RBFOX1: variants seen among roughly 807,000 people sequenced by gnomAD.
RBFOX1 encodes RNA binding protein fox-1 homolog 1.
In RBFOX1, 8 loss-of-function variants were observed where a neutral mutation model predicts 57.7. The ratio of observed to expected loss-of-function variants is 0.14; its 90% CI spans 0.08 to 0.25. The LOEUF (loss-of-function observed/expected upper bound fraction) is 0.25. RBFOX1 is among the 10% of genes least tolerant of loss of function. The pLI is 1.00. For missense variants in RBFOX1, 611 were observed against 548.5 expected, an observed-to-expected ratio of 1.11 and a Z score of -1.14; for synonymous variants, 326 against 222.4, an observed-to-expected ratio of 1.47 and a Z score of -4.15.
chr16:6,927,394 C>T (rs1395720909), intron 3 of RBFOX1, among the ~76,000 whole-genome samples: 1 of 97,632 alleles, frequency 1.0e-5, no homozygotes, highest in Non-Finnish European at 1.7e-5. Flanking sequence ...GCCTGGGCAA[C>T]AGAGTGAGAC....
intron 1 of RBFOX1, among the ~76,000 whole-genome samples, chr16:6,305,681 T>A (rs766424310): frequency 1.7e-4 from 25 of 151,390 alleles, no homozygotes; most frequent in Admixed American, 7.9e-4. Context: ...CCTCATTTGA[T>A]CATGGGGAGA....
chr16:5,401,264 A>AAC (rs1462519726), intron 1 of RBFOX1, among the ~76,000 whole-genome samples: 10 of 152,208 alleles, frequency 6.6e-5, no homozygotes, highest in Non-Finnish European at 1.3e-4. Context: ...TTGAGGATCT[A>AAC]ACTTGATTTT....
intron 4 of RBFOX1, among the ~76,000 whole-genome samples, chr16:7,428,266 A>C (rs974783705): frequency 6.6e-6 from 1 of 151,050 alleles, no homozygotes; most frequent in South Asian, 2.1e-4. Context: ...ACTGCAGTCA[A>C]CTTTTTTTGT....
chr16:6,996,633 G>A (rs1238508932), intron 3 of RBFOX1, among the ~76,000 whole-genome samples: 1 of 152,202 alleles, frequency 6.6e-6, no homozygotes, highest in Non-Finnish European at 1.5e-5. Flanking sequence ...TGGGGACAGT[G>A]ACGCACAAAG....
At chr16:5,440,222 C>A (rs1417876757) in intron 1 of RBFOX1, among the ~76,000 whole-genome samples, 1 of 152,206 alleles carries the variant, frequency 6.6e-6, no homozygotes, top group Admixed American at 6.5e-5. Flanking sequence ...TCCCACAGCC[C>A]TGGTAATTCT....
In RBFOX1 at chr16:5,947,935, T is replaced by C. The variant is rs1466330780; in HGVS notation, c.351+80600T>C. Among the ~76,000 whole-genome samples, 1 of 152,240 alleles carries C rather than the reference T, an allele frequency of 6.6e-6. No homozygotes were observed. The highest frequency in any genetic ancestry group is 1.5e-5 in the Non-Finnish European group (1 of 68,040). On this transcript the variant is annotated intron_variant, in intron 4 of 19. Transcript: ENST00000641259. The surrounding 1 kb of genome is among the most constrained non-coding windows in gnomAD (Gnocchi z 7.2). The stretch of plus-strand genomic sequence containing the variant: ...TGCTCATTATGGTACAGAATTTTAA[T>C]TTGCAAATGCATCACCAGATTCTTG...
intron 3 of RBFOX1, among the ~76,000 whole-genome samples, chr16:5,720,458 C>G (rs754794480): frequency 1.1e-4 from 16 of 152,090 alleles, no homozygotes; most frequent in South Asian, 2.1e-4. Context: ...CGCAATGAAC[C>G]TATTTTTTCT....
intron 1 of RBFOX1, among the ~76,000 whole-genome samples, chr16:6,261,199 A>G (rs980018759): frequency 6.6e-6 from 1 of 152,206 alleles, no homozygotes; most frequent in Non-Finnish European, 1.5e-5. Context: ...TCACATTCCC[A>G]GTGGATGAGA....
rs141891606 is a variant in RBFOX1 at position 7,059,378 on chromosome 16, C to G, written c.27+7280C>G. Among the ~76,000 whole-genome samples the G allele has an allele frequency of 1.4e-4, 22 of 152,268 alleles. No individual in the cohort carries two copies. The East Asian group carries it at 3.9e-3, about 27-fold the overall frequency. On this transcript the variant is annotated intron_variant, in intron 4 of 15. Transcript: ENST00000550418. ...CGTTGTAGAAATGCCTGCTTCTGTTCAGTTATTTATTCAAGAAATATTTTT... is the reference window on the plus strand; with the variant it reads ...CGTTGTAGAAATGCCTGCTTCTGTTGAGTTATTTATTCAAGAAATATTTTT...
intron 3 of RBFOX1, among the ~76,000 whole-genome samples, chr16:6,729,192 C>T (rs2067946124): frequency 6.6e-6 from 1 of 152,014 alleles, no homozygotes; most frequent in Non-Finnish European, 1.5e-5. Flanking sequence ...AATAGACTTA[C>T]CTGGGAGATA....
chr16:5,876,135 G>C (rs539813896), intron 4 of RBFOX1, among the ~76,000 whole-genome samples: 4 of 152,042 alleles, frequency 2.6e-5, no homozygotes, highest in Non-Finnish European at 5.9e-5. Flanking sequence ...GAACCACCGC[G>C]CCCGGCCTAT....
At chr16:5,984,301 T>A (rs1379695577) in intron 4 of RBFOX1, among the ~76,000 whole-genome samples, 2 of 150,008 alleles carry the variant, frequency 1.3e-5, no homozygotes, top group Non-Finnish European at 3.0e-5. Flanking sequence ...TCTCTCCATA[T>A]TGGGGCTTAT....
At chr16:7,582,705 A>G (rs1412936949) in intron 6 of RBFOX1, among the ~76,000 whole-genome samples, 1 of 152,178 alleles carries the variant, frequency 6.6e-6, no homozygotes, top group African/African-American at 2.4e-5. Flanking sequence ...TTTGGACATG[A>G]GACATCTTCT....
chr16:6,853,983 A>C (rs554278805), intron 3 of RBFOX1, among the ~76,000 whole-genome samples: 1 of 152,298 alleles, frequency 6.6e-6, no homozygotes, highest in African/African-American at 2.4e-5. Flanking sequence ...CTCCGTAATG[A>C]GCTATTAGTC....
intron 3 of RBFOX1, among the ~76,000 whole-genome samples, chr16:5,625,500 C>T (rs1330320434): frequency 9.9e-5 from 15 of 151,628 alleles, no homozygotes; most frequent in East Asian, 3.9e-4. Context: ...TCAAGTTTTG[C>T]GGAGGAGTTT....
intron 1 of RBFOX1, among the ~76,000 whole-genome samples, chr16:6,162,302 G>C (rs1278518800): frequency 6.6e-6 from 1 of 152,106 alleles, no homozygotes; most frequent in African/African-American, 2.4e-5. Flanking sequence ...TTTTAGTAGA[G>C]ACGGGGTTTC....
At chr16:5,259,934 G>A (rs1426424770) in intron 1 of RBFOX1, among the ~76,000 whole-genome samples, 1 of 152,136 alleles carries the variant, frequency 6.6e-6, no homozygotes, top group Non-Finnish European at 1.5e-5. Context: ...GGGCACGGTG[G>A]CTCACACCTG....
chr16:6,370,182 A>G (rs970689616), intron 2 of RBFOX1, among the ~76,000 whole-genome samples: 12 of 151,126 alleles, frequency 7.9e-5, no homozygotes, highest in African/African-American at 2.7e-4. Context: ...TGCGGTGAAA[A>G]CCTGTCTCTA....
chr16:7,575,238 G>A (rs765597535), intron 5 of RBFOX1, among the ~76,000 whole-genome samples: 6 of 151,908 alleles, frequency 3.9e-5, no homozygotes, highest in Admixed American at 6.6e-5. Context: ...GGATTCAAGC[G>A]ATTCTCCTGC....
Sources: allele counts gnomAD v4.1 joint callset (sites outside exome capture counted in the v4.1 genomes callset), GRCh38; gene constraint gnomAD v4.1.1; non-coding constraint Gnocchi (gnomAD v3.1); transcripts MANE v1.5; gene names NCBI Gene and HGNC (gene_info 2026-07-23, HGNC 2026-07-21).